HECW1: variants seen among roughly 807,000 people sequenced by gnomAD.
The protein encoded by HECW1 is HECT, C2 and WW domain containing E3 ubiquitin protein ligase 1.
HECW1 carries 61 observed loss-of-function variants against 182.3 expected under a neutral mutation model. The observed-to-expected ratio is 0.33, with a 90% confidence interval of 0.27 to 0.41. The LOEUF (loss-of-function observed/expected upper bound fraction) is 0.41, where lower values mean the gene tolerates loss of function less well. Ranked by LOEUF, HECW1 falls within the 10% of genes least tolerant of loss-of-function variation. The pLI, the probability that HECW1 is intolerant of heterozygous loss-of-function variation, is 1.00. For synonymous variants in HECW1, 859 were observed against 832.6 expected (o/e 1.03, Z -0.55); for missense variants, 1,739 against 2,108.9 (o/e 0.82, Z 3.44).
intron 6 of HECW1, among the ~76,000 whole-genome samples, chr7:43,367,264 T>C (rs937624500): frequency 5.3e-5 from 8 of 152,242 alleles, no homozygotes; most frequent in African/African-American, 1.9e-4. Context: ...CCTGTTGCCT[T>C]ACTATTACAT....
intron 24 of HECW1, among the ~76,000 whole-genome samples, chr7:43,512,357 C>A (rs758534196): frequency 6.6e-6 from 1 of 152,204 alleles, no homozygotes; most frequent in Non-Finnish European, 1.5e-5. Flanking sequence ...ATAAGCATAA[C>A]CACAGACCCG....
At chr7:43,152,200 T>C in intron 2 of HECW1, among the ~76,000 whole-genome samples, 1 of 43,828 alleles carries the variant, frequency 2.3e-5, no homozygotes, top group East Asian at 4.3e-3. Context: ...GCATAATTTC[T>C]GGGAAAAAAA....
intron 3 of HECW1, chr7:43,274,596 G>T (rs1016835270): frequency 1.2e-4 from 51 of 435,920 alleles, no homozygotes; most frequent in Non-Finnish European, 4.8e-5. Flanking sequence ...CAGGTTCCTC[G>T]CCCCGGGTGT....
chr7:43,125,587 T>G (rs1786126684), intron 2 of HECW1, among the ~76,000 whole-genome samples: 1 of 150,398 alleles, frequency 6.6e-6, no homozygotes, highest in Non-Finnish European at 1.5e-5. Flanking sequence ...AAACCTCGTC[T>G]GTACTAAAAA....
At chr7:43,466,149 GAA>G (rs1294770439) in intron 14 of HECW1, among the ~76,000 whole-genome samples, 1 of 134,370 alleles carries the variant, frequency 7.4e-6, no homozygotes, top group Non-Finnish European at 1.6e-5. Context: ...AAGAGAGAGA[GAA>G]AGAAGGAAGG....
chr7:43,312,898 A>G (rs569243243), intron 4 of HECW1, among the ~76,000 whole-genome samples: 1 of 152,378 alleles, frequency 6.6e-6, no homozygotes, highest in South Asian at 2.1e-4. Context: ...GGAAGGCCAC[A>G]AGAGTCAACA....
At chr7:43,448,089 C>T (rs1270930349) in intron 11 of HECW1, among the ~76,000 whole-genome samples, 1 of 151,882 alleles carries the variant, frequency 6.6e-6, no homozygotes, top group East Asian at 1.9e-4. Flanking sequence ...GAGCTGAGAT[C>T]GTGCCATTGC....
chr7:43,413,774 G>A (rs937911166), intron 8 of HECW1, among the ~76,000 whole-genome samples: 43 of 136,716 alleles, frequency 3.1e-4, no homozygotes, highest in African/African-American at 1.2e-3. Flanking sequence ...TAGGTATGCG[G>A]TGTTATTTCT....
chr7:43,366,015 A>T (rs559977714), intron 6 of HECW1, among the ~76,000 whole-genome samples: 1 of 152,286 alleles, frequency 6.6e-6, no homozygotes, highest in Non-Finnish European at 1.5e-5. Context: ...AGGCACAAGA[A>T]TCACTTGAAC....
chr7:43,373,521 T>A (rs2074202022), intron 6 of HECW1, among the ~76,000 whole-genome samples: 1 of 152,188 alleles, frequency 6.6e-6, no homozygotes. Context: ...TTTTTTAAAC[T>A]TATTTTTTTC....
At position 43,562,693 on chromosome 7, in the gene HECW1, C is replaced by T. The variant is rs998965420; in HGVS notation, c.*767C>T. ...GGAGCATCCCTAGTGAATACTCACACCACAAGAAGGACAAACTTGTGCACA... is the reference window on the plus strand; with the variant it reads ...GGAGCATCCCTAGTGAATACTCACATCACAAGAAGGACAAACTTGTGCACA... On this transcript the variant is annotated 3_prime_UTR_variant, in exon 30 of 30. Coordinates refer to ENST00000395891, the MANE Select transcript of HECW1 (RefSeq NM_015052.5). 4.5e-6 allele frequency: 1 copy of T among 224,186 alleles called. No individual in the cohort carries two copies. Among genetic ancestry groups the T allele is most frequent in the African/African-American group, 2.2e-5 (1 of 44,800 alleles). The allele number at this position is 224,186 out of a possible 1,614,324, so 13.9% of individuals were successfully genotyped here.
intron 15 of HECW1, among the ~76,000 whole-genome samples, chr7:43,467,460 T>C (rs969719759): frequency 2.6e-5 from 4 of 151,726 alleles, no homozygotes; most frequent in African/African-American, 9.7e-5. Context: ...GGGCTTGAGA[T>C]TGGGCAGCAG....
chr7:43,161,200 T>C (rs1291710150), intron 2 of HECW1, among the ~76,000 whole-genome samples: 2 of 152,190 alleles, frequency 1.3e-5, no homozygotes, highest in Non-Finnish European at 2.9e-5. Context: ...GGCCTCCCTT[T>C]TGCAGTTGCC....
intron 5 of HECW1, among the ~76,000 whole-genome samples, chr7:43,339,051 T>C (rs534882044): frequency 6.6e-6 from 1 of 152,358 alleles, no homozygotes; most frequent in East Asian, 1.9e-4. Context: ...TGTCATTCCT[T>C]TGAAGGTAAC....
chr7:43,232,018 T>A (rs1797925564), intron 2 of HECW1, among the ~76,000 whole-genome samples: 1 of 87,830 alleles, frequency 1.1e-5, no homozygotes. Context: ...CGAGACTCCA[T>A]CTCAAAAAAA....
chr7:43,395,026 A>G (rs996788795), intron 6 of HECW1, among the ~76,000 whole-genome samples: 15 of 108,126 alleles, frequency 1.4e-4, no homozygotes, highest in Non-Finnish European at 2.1e-4. Context: ...GGGGGCCACA[A>G]AATCAGACTA....
chr7:43,199,325 G>A (rs1794824231), intron 2 of HECW1, among the ~76,000 whole-genome samples: 3 of 152,182 alleles, frequency 2.0e-5, no homozygotes, highest in African/African-American at 7.2e-5. Context: ...CTTCAGTATT[G>A]ACATTTTACA....
At chr7:43,384,926 T>C (rs1158277297) in intron 6 of HECW1, among the ~76,000 whole-genome samples, 1 of 152,122 alleles carries the variant, frequency 6.6e-6, no homozygotes, top group Non-Finnish European at 1.5e-5. Flanking sequence ...TTTTAAAAAG[T>C]AGAATCAAAG....
At chr7:43,300,252 C>T (rs551661837) in intron 3 of HECW1, among the ~76,000 whole-genome samples, 1 of 152,354 alleles carries the variant, frequency 6.6e-6, no homozygotes, top group Admixed American at 6.5e-5. Flanking sequence ...GGTAAACCAC[C>T]TCTGCCAGTC....
Sources: allele counts gnomAD v4.1 joint callset (sites outside exome capture counted in the v4.1 genomes callset), GRCh38; gene constraint gnomAD v4.1.1; transcripts MANE v1.5; gene names NCBI Gene and HGNC (gene_info 2026-07-23, HGNC 2026-07-21).